The following CEP57 variants were observed in gnomAD, a reference collection of about 807,000 sequenced individuals.
CEP57 encodes centrosomal protein of 57 kDa.
CEP57 carries 40 observed loss-of-function variants against 68.0 expected under a neutral mutation model. That is an observed-to-expected ratio of 0.59 (90% confidence interval 0.46 to 0.77). The LOEUF (loss-of-function observed/expected upper bound fraction) is 0.77, where lower values mean the gene tolerates loss of function less well. CEP57 is among the 30% of genes least tolerant of loss of function. CEP57 has a pLI of 0.00. For missense variants in CEP57, 606 were observed against 580.7 expected, an observed-to-expected ratio of 1.04 and a Z score of -0.45; for synonymous variants, 219 against 198.7, an observed-to-expected ratio of 1.10 and a Z score of -0.86.
Position 95,806,999 on chromosome 11 carries a change from G to A in CEP57, c.203-5933G>A, listed in dbSNP as rs147618768. 2.7e-3 allele frequency among the ~76,000 whole-genome samples: 416 copies of A among 152,264 alleles called. 1 individual carries two copies. Among genetic ancestry groups the A allele is most frequent in the East Asian group, 0.011 (59 of 5,178 alleles). ...GGGCCGACTGACACCTCATACAGCC[G>A]GGTCCCCTTCTGAGACTAAGGCTCC... On this transcript the variant is annotated intron_variant, in intron 2 of 10. Coordinates refer to ENST00000325542, the MANE Select transcript of CEP57 (RefSeq NM_014679.5).
In CEP57 at chr11:95,816,716, C is replaced by G. The variant is rs982941115; in HGVS notation, c.505-1071C>G. Among the ~76,000 whole-genome samples, 53 of 152,146 alleles carry G rather than the reference C, an allele frequency of 3.5e-4. 1 individual carries two copies. The highest frequency in any genetic ancestry group is 2.1e-4 in the Non-Finnish European group (14 of 68,034). ...ATTTTGAAGACACAGTTTACAAGTT[C>G]AGGCACTTTTTACCAATAATAGTCC... On this transcript the variant is annotated intron_variant, in intron 4 of 10. Transcript: ENST00000325542.
intron 2 of CEP57, 76 bp downstream of exon 2, chr11:95,799,464 T>C: frequency 6.4e-6 from 10 of 1,565,842 alleles, no homozygotes; most frequent in Non-Finnish European, 8.8e-6. Context: ...TCCTCCATTA[T>C]TTTGCCATTA....
At chr11:95,804,057 C>G (rs1271220964) in intron 2 of CEP57, among the ~76,000 whole-genome samples, 1 of 151,888 alleles carries the variant, frequency 6.6e-6, no homozygotes, top group East Asian at 1.9e-4. Flanking sequence ...TTAGGAAATA[C>G]AAAATATAAT....
chr11:95,814,823 G>T (rs1226803759), intron 4 of CEP57, among the ~76,000 whole-genome samples: 1 of 152,168 alleles, frequency 6.6e-6, no homozygotes, highest in Non-Finnish European at 1.5e-5. Context: ...ATACTAGGCA[G>T]TTGTCCTTCA....
intron 10 of CEP57, among the ~76,000 whole-genome samples, chr11:95,829,645 G>A (rs561145965): frequency 6.6e-6 from 1 of 152,040 alleles, no homozygotes; most frequent in Non-Finnish European, 1.5e-5. Flanking sequence ...AAGCACCTGC[G>A]AAATTCTGTT....
At chr11:95,828,866 AC>A (rs1862870305) in intron 9 of CEP57, among the ~76,000 whole-genome samples, 1 of 151,708 alleles carries the variant, frequency 6.6e-6, no homozygotes, top group Non-Finnish European at 1.5e-5. Context: ...CAGGGTGAAA[AC>A]CTGTCTGTAC....
upstream of CEP57, chr11:95,790,484 T>C (rs958392552): frequency 3.5e-5 from 21 of 603,914 alleles, no homozygotes; most frequent in Non-Finnish European, 5.0e-5. Flanking sequence ...AGACGTCCGT[T>C]AGGACGTGTT....
upstream of CEP57, chr11:95,790,317 G>A (rs571906772): frequency 5.8e-6 from 2 of 344,416 alleles, no homozygotes; most frequent in Admixed American, 4.4e-5. Flanking sequence ...TACTGGAGGA[G>A]GCCCGACCCT....
In CEP57 at chr11:95,813,082, CA is replaced by C; in HGVS notation, c.356del (p.Lys119ArgfsTer11). On this transcript the variant is annotated frameshift_variant, in exon 3 of 11. Transcript: ENST00000325542. LOFTEE classifies it high-confidence loss of function. The stretch of plus-strand genomic sequence containing the variant: ...GAACAGATACAAGAAAGGGAGAATT[CA>C]AAGAATGAGGAATCAAAGCACAATC... ...LDEQIQERENSKNEESKHNQE... is the reference protein window; with the variant it reads ...LDEQIQERENXKNEESKHNQE... The C allele has an allele frequency of 1.2e-6, 2 of 1,612,916 alleles. No homozygotes were observed. The highest frequency in any genetic ancestry group is 1.7e-6 in the Non-Finnish European group (2 of 1,179,890).
At chr11:95,810,540 A>G (rs747559601) in intron 2 of CEP57, among the ~76,000 whole-genome samples, 4 of 152,224 alleles carry the variant, frequency 2.6e-5, no homozygotes, top group Non-Finnish European at 5.9e-5. Context: ...AATCACAAGC[A>G]TTCTTATACA....
chr11:95,812,457 A>T (rs1862108514), intron 2 of CEP57, among the ~76,000 whole-genome samples: 1 of 151,822 alleles, frequency 6.6e-6, no homozygotes, highest in South Asian at 2.1e-4. Flanking sequence ...ACAGAATCTC[A>T]CTGTCGCCCA....
In CEP57 at chr11:95,790,626, C is replaced by T; in HGVS notation, c.-73C>T. On this transcript the variant is annotated 5_prime_UTR_variant, in exon 1 of 11. Transcript: ENST00000325542. The stretch of plus-strand genomic sequence containing the variant: ...CTAGGGTCCCCGCTGGTGGGCGGCT[C>T]CCGAGTCTTGGAGAAGAGCACGAGA... 6.4e-7 allele frequency: 1 copy of T among 1,570,990 alleles called. No homozygotes were observed. Among genetic ancestry groups the T allele is most frequent in the South Asian group, 1.1e-5 (1 of 87,084 alleles).
chr11:95,792,188 G>A (rs934986471), intron 1 of CEP57, among the ~76,000 whole-genome samples: 2 of 152,180 alleles, frequency 1.3e-5, no homozygotes, highest in African/African-American at 4.8e-5. Flanking sequence ...TCAGGATTAG[G>A]TCAGTAAAAG....
chr11:95,824,086 A>G (rs2135360342), intron 8 of CEP57, among the ~76,000 whole-genome samples: 1 of 151,582 alleles, frequency 6.6e-6, no homozygotes, highest in East Asian at 1.9e-4. Context: ...AAAAAAAAAA[A>G]AAAAAAAAAA....
chr11:95,807,734 T>G (rs765475450), intron 2 of CEP57, among the ~76,000 whole-genome samples: 38 of 152,244 alleles, frequency 2.5e-4, no homozygotes, highest in Non-Finnish European at 5.0e-4. Flanking sequence ...AGACCAAGTC[T>G]GCCTCTGATT....
chr11:95,791,528 C>CAG (rs1861075521), intron 1 of CEP57, among the ~76,000 whole-genome samples: 2 of 152,142 alleles, frequency 1.3e-5, no homozygotes, highest in Non-Finnish European at 2.9e-5. Flanking sequence ...TGTTCGATGC[C>CAG]TGGTATACTG....
At chr11:95,803,619 T>C (rs1288343583) in intron 2 of CEP57, among the ~76,000 whole-genome samples, 1 of 124,542 alleles carries the variant, frequency 8.0e-6, no homozygotes, top group Non-Finnish European at 1.6e-5. Flanking sequence ...ATGACAGAAA[T>C]GTCCCAAGCA....
At position 95,827,852 on chromosome 11, in the gene CEP57, A is replaced by G. The variant is rs199857540; in HGVS notation, c.952A>G (p.Ser318Gly). 2 of 1,614,032 alleles carry G rather than the reference A, an allele frequency of 1.2e-6. No individual in the cohort carries two copies. The highest frequency in any genetic ancestry group is 2.7e-5 in the African/African-American group (2 of 74,922). The change falls in exon 9 of 11, where the codon AGT becomes GGT. Residue 318 changes from serine to glycine, a missense_variant. Ser to Gly is a moderately conservative substitution (Grantham distance 56, BLOSUM62 0). Coordinates refer to ENST00000325542, the MANE Select transcript of CEP57 (RefSeq NM_014679.5). ...QLVLHLMKQHSKALCNDRVIN... is the reference protein window; with the variant it reads ...QLVLHLMKQHGKALCNDRVIN... ...TGTCTTGCATCTAATGAAGCAACAC[A>G]GTAAAGCTTTGTGCAATGATCGAGT... is the stretch of plus-strand genomic sequence containing the variant.
At chr11:95,809,566 A>G (rs1372416163) in intron 2 of CEP57, among the ~76,000 whole-genome samples, 1 of 152,258 alleles carries the variant, frequency 6.6e-6, no homozygotes, top group Non-Finnish European at 1.5e-5. Context: ...CGAATACTAT[A>G]AACATCTCTA....
Sources: gnomAD v4.1 joint callset for allele counts (sites outside exome capture counted in the v4.1 genomes callset) on GRCh38, gnomAD v4.1.1 for gene constraint, MANE v1.5 for transcripts, NCBI Gene and HGNC (gene_info 2026-07-23, HGNC 2026-07-21) for gene names.